The following C14orf132 variants were observed in gnomAD, a reference collection of about 807,000 sequenced individuals.
The protein encoded by C14orf132 is uncharacterized protein C14orf132.
A neutral mutation model predicts 5.8 loss-of-function variants in C14orf132; 6 were observed. The observed-to-expected ratio is 1.03, with a 90% CI of 0.57 to 2.04. The LOEUF (loss-of-function observed/expected upper bound fraction) is 2.04, where lower values mean the gene tolerates loss of function less well. Ranked by LOEUF, C14orf132 falls within the 30% of genes most tolerant of loss-of-function variation. C14orf132 has a pLI of 0.00. For missense variants in C14orf132, 125 were observed against 115.8 expected (o/e 1.08, Z -0.37); for synonymous variants, 51 against 49.8 (o/e 1.02, Z -0.10).
intron 1 of C14orf132, chr14:96,051,035 C>T (rs1428503591): frequency 2.5e-6 from 1 of 396,422 alleles, no homozygotes; most frequent in African/African-American, 2.1e-5. Flanking sequence ...TACCTCCCAG[C>T]TATGGGCCCC....
At chr14:96,042,758 G>C (rs939112036) in intron 1 of C14orf132, among the ~76,000 whole-genome samples, 1 of 152,150 alleles carries the variant, frequency 6.6e-6, no homozygotes, top group Non-Finnish European at 1.5e-5. Context: ...GAGTGTGCTC[G>C]TGGACCCCAT....
intron 1 of C14orf132, among the ~76,000 whole-genome samples, chr14:96,060,835 AGGAGCTGAGATGGGAAGGGTCTG>A: frequency 6.6e-6 from 1 of 152,326 alleles, no homozygotes; most frequent in South Asian, 2.1e-4. Flanking sequence ...CAAACATCCA[AGGAGCTGAGATGGGAAGGGTCTG>A]GGTAAAGGGT....
chr14:96,052,545 C>A (rs2087845100), intron 1 of C14orf132, among the ~76,000 whole-genome samples: 2 of 152,232 alleles, frequency 1.3e-5, no homozygotes, highest in Non-Finnish European at 2.9e-5. Flanking sequence ...GTAAATATTT[C>A]ATAAACCAAT....
chr14:96,051,507 G>A (rs1163736056), intron 1 of C14orf132, among the ~76,000 whole-genome samples: 1 of 152,154 alleles, frequency 6.6e-6, no homozygotes, highest in Non-Finnish European at 1.5e-5. Context: ...GCCCTCGTGA[G>A]GACCCCTCAT....
chr14:96,074,636 T>C (rs1258968537), intron 1 of C14orf132, among the ~76,000 whole-genome samples: 2 of 152,196 alleles, frequency 1.3e-5, no homozygotes, highest in Non-Finnish European at 2.9e-5. Flanking sequence ...CTATATATTG[T>C]TGCATATTGA....
At chr14:96,085,013 G>A (rs1336996125) in intron 1 of C14orf132, among the ~76,000 whole-genome samples, 1 of 152,218 alleles carries the variant, frequency 6.6e-6, no homozygotes, top group Non-Finnish European at 1.5e-5. Context: ...TGACCCTGAA[G>A]CCCATGGGGC....
chr14:96,046,583 A>C (rs1886836145), intron 1 of C14orf132, among the ~76,000 whole-genome samples: 1 of 152,198 alleles, frequency 6.6e-6, no homozygotes, highest in Non-Finnish European at 1.5e-5. Flanking sequence ...GTGCTTGAGG[A>C]GCTGGGAATT....
chr14:96,049,495 T>C (rs986225383), intron 1 of C14orf132, among the ~76,000 whole-genome samples: 22 of 145,456 alleles, frequency 1.5e-4, no homozygotes, highest in Non-Finnish European at 2.6e-4. Flanking sequence ...TGCATATATA[T>C]ACGTATATAT....
intron 1 of C14orf132, among the ~76,000 whole-genome samples, chr14:96,054,800 T>C (rs1261504471): frequency 6.6e-6 from 1 of 152,230 alleles, no homozygotes; most frequent in Non-Finnish European, 1.5e-5. Flanking sequence ...AACAGTTTTT[T>C]CAGAACAGGA....
rs541022348 is a variant in C14orf132 at position 96,091,582 on chromosome 14, G to A, written c.*4847G>A. ...AGCTGCCATCGGCCCGCTTTGCTTC[G>A]TCCTGGCAGATGCCCAGTGATTGTC... On this transcript the variant is annotated 3_prime_UTR_variant, in exon 2 of 2. Coordinates refer to ENST00000555004, the MANE Select transcript of C14orf132 (RefSeq NM_001252507.3). 3.0e-4 allele frequency: 47 copies of A among 155,494 alleles called. No individual in the cohort carries two copies. Among genetic ancestry groups the A allele is most frequent in the Admixed American group, 5.1e-4 (8 of 15,830 alleles). 9.6% of individuals were successfully genotyped at this position (155,494 alleles called of 1,614,324 possible). A position where few individuals can be genotyped will look rare whatever the true frequency, so the allele number is the denominator to read the frequency against.
chr14:96,048,403 T>C (rs1168127340), intron 1 of C14orf132, among the ~76,000 whole-genome samples: 2 of 152,234 alleles, frequency 1.3e-5, no homozygotes, highest in Non-Finnish European at 2.9e-5. Flanking sequence ...CTTCACAGTT[T>C]TACCTTTTCC....
intron 1 of C14orf132, among the ~76,000 whole-genome samples, chr14:96,082,967 C>T (rs1888072687): frequency 6.6e-6 from 1 of 152,196 alleles, no homozygotes; most frequent in Admixed American, 6.5e-5. Context: ...GATTCAGCCC[C>T]AAGCCTTTCT....
chr14:96,079,522 C>T (rs77653783), intron 1 of C14orf132, among the ~76,000 whole-genome samples: 2,075 of 152,096 alleles, frequency 0.014, 24 homozygotes, highest in Non-Finnish European at 0.021. Flanking sequence ...TGAGCCCTTC[C>T]GAAGTCATGA....
At chr14:96,059,180 G>A (rs1218769035) in intron 1 of C14orf132, among the ~76,000 whole-genome samples, 2 of 152,198 alleles carry the variant, frequency 1.3e-5, no homozygotes, top group African/African-American at 2.4e-5. Context: ...AGCTACTCAG[G>A]AGGCTGAGGT....
At chr14:96,081,755 C>T (rs1041051733) in intron 1 of C14orf132, among the ~76,000 whole-genome samples, 2 of 152,048 alleles carry the variant, frequency 1.3e-5, no homozygotes, top group East Asian at 3.9e-4. Flanking sequence ...TGCACCACCA[C>T]ACTCCGCTAA....
At chr14:96,085,605 C>T (rs1161202603) in intron 1 of C14orf132, among the ~76,000 whole-genome samples, 1 of 152,174 alleles carries the variant, frequency 6.6e-6, no homozygotes, top group Non-Finnish European at 1.5e-5. Flanking sequence ...GCGGCGTGGG[C>T]GGTGGGAATT....
intron 1 of C14orf132, among the ~76,000 whole-genome samples, chr14:96,057,753 G>C (rs948533531): frequency 6.6e-6 from 1 of 152,298 alleles, no homozygotes; most frequent in African/African-American, 2.4e-5. Context: ...AAAATCACGT[G>C]GTGCTAGTAG....
At chr14:96,051,942 T>G (rs1307834925) in intron 1 of C14orf132, among the ~76,000 whole-genome samples, 2 of 152,242 alleles carry the variant, frequency 1.3e-5, no homozygotes, top group East Asian at 3.8e-4. Flanking sequence ...CCCCGCCCTC[T>G]GGTGGAAGAA....
At chr14:96,052,898 C>T (rs765798530) in intron 1 of C14orf132, among the ~76,000 whole-genome samples, 8 of 152,194 alleles carry the variant, frequency 5.3e-5, no homozygotes, top group South Asian at 2.1e-4. Flanking sequence ...CAGGGTAAGA[C>T]GCCGGCTCAA....
Sources: allele counts gnomAD v4.1 joint callset (sites outside exome capture counted in the v4.1 genomes callset), GRCh38; gene constraint gnomAD v4.1.1; transcripts MANE v1.5; gene names NCBI Gene and HGNC (gene_info 2026-07-23, HGNC 2026-07-21).